MAN2A2: variants seen among roughly 807,000 people sequenced by gnomAD.
The protein encoded by MAN2A2 is mannosidase alpha class 2A member 2.
In MAN2A2, 79 loss-of-function variants were observed where a neutral mutation model predicts 126.8. The ratio of observed to expected loss-of-function variants is 0.62; its 90% CI spans 0.52 to 0.75. The LOEUF (loss-of-function observed/expected upper bound fraction) is 0.75. Ranked by LOEUF, MAN2A2 falls within the 30% of genes least tolerant of loss-of-function variation. The pLI, the probability that MAN2A2 is intolerant of heterozygous loss-of-function variation, is 0.00. For missense variants in MAN2A2, 1,392 were observed against 1,522.4 expected (o/e 0.91, Z 1.43); for synonymous variants, 671 against 618.7 (o/e 1.08, Z -1.25).
chr15:90,915,319 G>C (rs1285148085), intron 19 of MAN2A2: 2 of 152,260 alleles, frequency 1.3e-5, no homozygotes, highest in Non-Finnish European at 1.5e-5. Flanking sequence ...GTGAAAGGGA[G>C]AATAAGGCCA....
At chr15:90,906,140 G>C in intron 5 of MAN2A2, 124 bp downstream of exon 5, 1 of 1,417,456 alleles carries the variant, frequency 7.1e-7, no homozygotes, top group Non-Finnish European at 9.7e-7. Context: ...TGGAAGAGAT[G>C]AGTGATGGTG....
In MAN2A2 at chr15:90,913,535, G is replaced by A. The variant is rs535858094; in HGVS notation, c.2719-79G>A. 201 of 1,564,360 alleles carry A rather than the reference G, an allele frequency of 1.3e-4. No homozygotes were observed. The South Asian group carries it at 1.6e-3, about 13-fold the overall frequency. On this transcript the variant is annotated intron_variant, in intron 18 of 22. Transcript: ENST00000559717. ...GATGAATGAGAGGCGAAGAGTTATC[G>A]GGGACTCCTTCAGTCTGGGGACCGC...
In MAN2A2 at chr15:90,905,933, G is replaced by A; in HGVS notation, c.624G>A (p.Arg208=). The change falls in exon 5 of 23, where the codon CGG becomes CGA. Residue 208 remains arginine, a synonymous_variant. Transcript: ENST00000559717. ...SMVSKLQEDP[R]RRFLWAEVSF... ...TGTCTAAGCTGCAGGAGGACCCCCG[G>A]CGGCGCTTCCTCTGGGCAGAGGTCT... 6.2e-7 allele frequency: 1 copy of A among 1,613,362 alleles called. No homozygotes were observed. The highest frequency in any genetic ancestry group is 2.2e-5 in the East Asian group (1 of 44,868).
At position 90,911,397 on chromosome 15, in the gene MAN2A2, A is replaced by T. The variant is rs761287621; in HGVS notation, c.1956A>T (p.Leu652=). 5 of 1,614,210 alleles carry T rather than the reference A, an allele frequency of 3.1e-6. No homozygotes were observed. Among genetic ancestry groups the T allele is most frequent in the Non-Finnish European group, 2.5e-6 (3 of 1,180,034 alleles). The change falls in exon 14 of 23, where the codon CTA becomes CTT. Residue 652 remains leucine, a synonymous_variant. Coordinates refer to ENST00000559717, the MANE Select transcript of MAN2A2 (RefSeq NM_006122.4). The part of the protein sequence containing the change: ...QLDSSPRFVV[L]FNPLEQERFS... ...CTTCTACGCACAGGTTTGTGGTCCT[A>T]TTCAACCCACTGGAACAGGAGCGAT...
At chr15:90,909,694 C>T (rs1238735063) in intron 9 of MAN2A2, among the ~76,000 whole-genome samples, 190 bp downstream of exon 9, 1 of 151,836 alleles carries the variant, frequency 6.6e-6, no homozygotes, top group Non-Finnish European at 1.5e-5. Flanking sequence ...AGCTCCGCCT[C>T]CCGGGTTCAC....
Position 90,918,179 on chromosome 15 carries a change from G to C in MAN2A2, c.2995-15G>C, listed in dbSNP as rs781328084. ...GGCTTTGGTCCCTCACCAATATCTCGGGTCAATTTTGCAGGTCCAAGATAG... is the reference window on the plus strand; with the variant it reads ...GGCTTTGGTCCCTCACCAATATCTCCGGTCAATTTTGCAGGTCCAAGATAG... On this transcript the variant is annotated splice_polypyrimidine_tract_variant and intron_variant, in intron 20 of 22. Coordinates refer to ENST00000559717, the MANE Select transcript of MAN2A2 (RefSeq NM_006122.4). The C allele has an allele frequency of 1.6e-5, 25 of 1,607,844 alleles. No homozygotes were observed. Among genetic ancestry groups the C allele is most frequent in the Non-Finnish European group, 2.0e-5 (24 of 1,175,770 alleles).
At position 90,910,913 on chromosome 15, in the gene MAN2A2, G is replaced by A. The variant is rs1199956445; in HGVS notation, c.1827G>A (p.Gly609=). 10 of 1,614,164 alleles carry A rather than the reference G, an allele frequency of 6.2e-6. No individual in the cohort carries two copies. The highest frequency in any genetic ancestry group is 7.6e-6 in the Non-Finnish European group (9 of 1,180,022). ...IIHAAHYLVL[G]DKETYHFDPE... ...ATGCAGCCCACTATCTGGTGCTGGG[G>A]GACAAGGAGACCTACCACTTTGACC... The change falls in exon 12 of 23, where the codon GGG becomes GGA. Residue 609 remains glycine, a synonymous_variant. Coordinates refer to ENST00000559717, the MANE Select transcript of MAN2A2 (RefSeq NM_006122.4).
In MAN2A2 at chr15:90,920,724, C is replaced by T. The variant is rs2035505268; in HGVS notation, c.*937C>T. ...CAGCTTGAGAAGGCGTTCAGCACCA[C>T]GCCTAGCAGGCAGACCTTGAAGCCT... On this transcript the variant is annotated 3_prime_UTR_variant, in exon 23 of 23. Coordinates refer to ENST00000559717, the MANE Select transcript of MAN2A2 (RefSeq NM_006122.4). 6.6e-6 allele frequency: 1 copy of T among 152,234 alleles called. No individual in the cohort carries two copies. The highest frequency in any genetic ancestry group is 1.5e-5 in the Non-Finnish European group (1 of 68,068). The allele number at this position is 152,234 out of a possible 1,614,324, so 9.4% of individuals were successfully genotyped here. A position where few individuals can be genotyped will look rare whatever the true frequency, so the allele number is the denominator to read the frequency against.
At chr15:90,917,071 G>A (rs1172303687) in intron 20 of MAN2A2, among the ~76,000 whole-genome samples, 1 of 152,206 alleles carries the variant, frequency 6.6e-6, no homozygotes, top group Non-Finnish European at 1.5e-5. Context: ...GAGTTCCTTA[G>A]TTATGCTGGA....
intron 5 of MAN2A2, 53 bp downstream of exon 5, chr15:90,906,069 G>A: frequency 6.2e-7 from 1 of 1,608,762 alleles, no homozygotes; most frequent in Non-Finnish European, 8.5e-7. Flanking sequence ...CCCAGGCTGG[G>A]TGGACGGGTC....
rs2034709633 is a variant in MAN2A2 at position 90,911,256 on chromosome 15, A to G, written c.1943+18A>G. 2 of 1,613,930 alleles carry G rather than the reference A, an allele frequency of 1.2e-6. No individual in the cohort carries two copies. Among genetic ancestry groups the G allele is most frequent in the Non-Finnish European group, 8.5e-7 (1 of 1,179,904 alleles). On this transcript the variant is annotated intron_variant, in intron 13 of 22. Transcript: ENST00000559717. ...TCGCCCAGGTAACCTGGACTACGCC[A>G]TGTGCAGAGAGGCAGAGCCATTCCC...
intron 19 of MAN2A2, among the ~76,000 whole-genome samples, chr15:90,915,840 C>T (rs986088412): frequency 1.3e-5 from 2 of 152,234 alleles, no homozygotes; most frequent in Non-Finnish European, 1.5e-5. Flanking sequence ...CCCCTAGGCC[C>T]GTTCCCTACT....
rs1325052596 is a variant in MAN2A2 at position 90,905,487 on chromosome 15, G to A, written c.369G>A (p.Arg123=). Residue 123 remains arginine (R), a synonymous_variant, in exon 3 of 23, where the codon CGG becomes CGA. Coordinates refer to ENST00000559717, the MANE Select transcript of MAN2A2 (RefSeq NM_006122.4). The part of the protein sequence containing the change: ...PQDCQFALGG[R]GQKPELQMLT... ...ACTGCCAGTTTGCTTTGGGGGGCCG[G>A]GGTCAGAAGCCAGAGCTGCAGGTAA... 1.4e-5 allele frequency: 22 copies of A among 1,614,058 alleles called. No individual in the cohort carries two copies. The highest frequency in any genetic ancestry group is 1.9e-5 in the Non-Finnish European group (22 of 1,180,026).
At position 90,920,392 on chromosome 15, in the gene MAN2A2, C is replaced by T. The variant is rs1291618434; in HGVS notation, c.*605C>T. Reference sequence around the variant, plus strand: ...GTGATGGCTTTGCAGTAAGTGCCGCCTGGCCTGCATGCATTGGCTAACAGG... The same window carrying T: ...GTGATGGCTTTGCAGTAAGTGCCGCTTGGCCTGCATGCATTGGCTAACAGG... On this transcript the variant is annotated 3_prime_UTR_variant, in exon 23 of 23. Coordinates refer to ENST00000559717, the MANE Select transcript of MAN2A2 (RefSeq NM_006122.4). The T allele has an allele frequency of 2.0e-5, 3 of 152,702 alleles. No homozygotes were observed. Among genetic ancestry groups the T allele is most frequent in the Admixed American group, 1.3e-4 (2 of 15,318 alleles). The allele number at this position is 152,702 out of a possible 1,614,324, so 9.5% of individuals were successfully genotyped here. A position where few individuals can be genotyped will look rare whatever the true frequency, so the allele number is the denominator to read the frequency against.
At chr15:90,915,022 A>G (rs1343738607) in intron 19 of MAN2A2, among the ~76,000 whole-genome samples, 1 of 152,174 alleles carries the variant, frequency 6.6e-6, no homozygotes, top group Non-Finnish European at 1.5e-5. Context: ...GCACCCAGTC[A>G]AGGCTAGGCG....
At chr15:90,911,977 C>A in intron 14 of MAN2A2, 66 bp from the exon 15 acceptor site, 1 of 1,329,328 alleles carries the variant, frequency 7.5e-7, no homozygotes, top group Non-Finnish European at 1.1e-6. Context: ...TGTTAGTAAG[C>A]GGATGCCTCA....
chr15:90,916,483 C>T lies in MAN2A2; in HGVS notation c.2994+227C>T, dbSNP rs752409335. ...CTCTGTCACCTGTGCCCCTCATGTT[C>T]GTCTCCCACTTTCCTCTGTGCTGCC... is the stretch of plus-strand genomic sequence containing the variant. On this transcript the variant is annotated intron_variant, in intron 20 of 22. Transcript: ENST00000559717. The T allele has an allele frequency of 3.7e-5, 44 of 1,202,734 alleles. No homozygotes were observed. In the Middle Eastern group the frequency reaches 8.1e-4, roughly 22 times the overall value. 74.5% of individuals were successfully genotyped at this position (1,202,734 alleles called of 1,614,324 possible). A position where few individuals can be genotyped will look rare whatever the true frequency, so the allele number is the denominator to read the frequency against.
intron 20 of MAN2A2, among the ~76,000 whole-genome samples, chr15:90,917,363 C>G (rs948189895): frequency 4.6e-5 from 7 of 152,154 alleles, no homozygotes; most frequent in African/African-American, 1.7e-4. Flanking sequence ...TAGGAAAGGT[C>G]CAGGCTAAGG....
rs1183691302 is a variant in MAN2A2, at chr15:90,919,725, A to G, written c.3391A>G (p.Asn1131Asp). 6.2e-7 allele frequency: 1 copy of G among 1,614,220 alleles called. No individual in the cohort carries two copies. Among genetic ancestry groups the G allele is most frequent in the Non-Finnish European group, 8.5e-7 (1 of 1,180,032 alleles). The stretch of plus-strand genomic sequence containing the variant: ...ACTGTACCCTCTGGCCTCCCCGTCC[A>G]ACAGCACTGACGTCTATTTGGAGCC... ...TLLYPLASPSNSTDVYLEPME... is the reference protein window; with the variant it reads ...TLLYPLASPSDSTDVYLEPME... The change falls in exon 23 of 23, where the codon AAC becomes GAC. Residue 1131 changes from asparagine to aspartate, a missense_variant. By Grantham distance (23) the Asn-to-Asp change is conservative. Coordinates refer to ENST00000559717, the MANE Select transcript of MAN2A2 (RefSeq NM_006122.4).
Sources: allele counts gnomAD v4.1 joint callset (sites outside exome capture counted in the v4.1 genomes callset), GRCh38; gene constraint gnomAD v4.1.1; transcripts MANE v1.5; gene names NCBI Gene and HGNC (gene_info 2026-07-23, HGNC 2026-07-21).